Variants in PARPBP observed in about 807,000 individuals in gnomAD.
PARPBP encodes the protein PARP1 binding protein, also known as PCNA-interacting partner.
A neutral mutation model predicts 50.0 loss-of-function variants in PARPBP; 52 were observed. The ratio of observed to expected loss-of-function variants is 1.04; its 90% CI spans 0.83 to 1.31. The LOEUF is 1.31. PARPBP is among the 50% of genes most tolerant of loss of function. The pLI is 0.00. For missense variants in PARPBP, 697 were observed against 672.0 expected (o/e 1.04, Z -0.41); for synonymous variants, 244 against 232.1 (o/e 1.05, Z -0.47).
At chr12:102,165,589 T>C in intron 5 of PARPBP, 140 bp from the exon 6 acceptor site, 1 of 639,424 alleles carries the variant, frequency 1.6e-6, no homozygotes, top group East Asian at 3.0e-5. Flanking sequence ...TACTTCTGAC[T>C]CAAAGTGTGT....
At chr12:102,174,942 A>C (rs989303693) in intron 6 of PARPBP, among the ~76,000 whole-genome samples, 2 of 152,176 alleles carry the variant, frequency 1.3e-5, no homozygotes, top group Non-Finnish European at 2.9e-5. Context: ...ATTAGAATGC[A>C]ATATCATGTT....
At chr12:102,152,292 T>G (rs1204341017) in intron 3 of PARPBP, among the ~76,000 whole-genome samples, 1 of 152,204 alleles carries the variant, frequency 6.6e-6, no homozygotes, top group Non-Finnish European at 1.5e-5. Context: ...AAGAGACAGG[T>G]GTAAAGATTT....
At chr12:102,158,856 T>G (rs1043671042) in intron 4 of PARPBP, among the ~76,000 whole-genome samples, 1 of 152,224 alleles carries the variant, frequency 6.6e-6, no homozygotes, top group Non-Finnish European at 1.5e-5. Context: ...TTTTAGAACT[T>G]CGGCTTATAA....
In PARPBP at chr12:102,148,439, TG is replaced by T; in HGVS notation, c.364del (p.Glu122LysfsTer22). The T allele has an allele frequency of 6.9e-7, 1 of 1,445,034 alleles. No individual in the cohort carries two copies. The allele number at this position is 1,445,034 out of a possible 1,614,324, so 89.5% of individuals were successfully genotyped here. ...QKCRALTSNC[E>X]NYNTVSPSQL... is the part of the protein sequence containing the mutation. The stretch of plus-strand genomic sequence containing the variant: ...AATGTAGGGCTTTGACTTCTAATTG[TG>T]AAAATTATAACACAGTATCTCCTGT... On this transcript the variant is annotated frameshift_variant, in exon 3 of 11. Coordinates refer to ENST00000327680, the MANE Select transcript of PARPBP (RefSeq NM_017915.5). LOFTEE classifies it high-confidence loss of function.
intron 7 of PARPBP, among the ~76,000 whole-genome samples, chr12:102,178,138 T>C (rs995126467): frequency 6.6e-6 from 1 of 152,240 alleles, no homozygotes; most frequent in Non-Finnish European, 1.5e-5. Flanking sequence ...TAGTATATGC[T>C]TATCAATGAT....
At position 102,175,623 on chromosome 12, in the gene PARPBP, A is replaced by G; in HGVS notation, c.962A>G (p.Glu321Gly). The G allele has an allele frequency of 6.2e-7, 1 of 1,613,534 alleles. No individual in the cohort carries two copies. The highest frequency in any genetic ancestry group is 8.5e-7 in the Non-Finnish European group (1 of 1,179,530). The change falls in exon 7 of 11, where the codon GAA (glutamate) becomes GGA (glycine). Residue 321 changes from glutamate (E) to glycine (G), a missense_variant. By Grantham distance (98) the Glu-to-Gly change is moderately conservative. Coordinates refer to ENST00000327680, the MANE Select transcript of PARPBP (RefSeq NM_017915.5). ...LRIKNIINSQ[E>G]GVVALSTTDI... ...ATTAAAAATATTATCAATTCTCAAG[A>G]AGGTGTTGTAGCTCTTAGCACCACT...
At chr12:102,143,519 G>A (rs962231512) in intron 2 of PARPBP, among the ~76,000 whole-genome samples, 11 of 152,168 alleles carry the variant, frequency 7.2e-5, no homozygotes, top group African/African-American at 2.7e-4. Flanking sequence ...GATGAACCCG[G>A]TACCTCAGTT....
At chr12:102,161,733 C>A (rs1314585704) in intron 4 of PARPBP, among the ~76,000 whole-genome samples, 1 of 151,500 alleles carries the variant, frequency 6.6e-6, no homozygotes, top group Non-Finnish European at 1.5e-5. Context: ...TTAGGCTGGG[C>A]AACATAGTGA....
intron 9 of PARPBP, among the ~76,000 whole-genome samples, chr12:102,191,144 C>T (rs1459835455): frequency 2.0e-5 from 3 of 152,086 alleles, no homozygotes; most frequent in Non-Finnish European, 4.4e-5. Context: ...CTCTGGAAGG[C>T]ATCATTTTGC....
At chr12:102,180,800 A>G (rs1889755327) in intron 8 of PARPBP, among the ~76,000 whole-genome samples, 1 of 152,222 alleles carries the variant, frequency 6.6e-6, no homozygotes, top group Non-Finnish European at 1.5e-5. Flanking sequence ...TCTAATTGTC[A>G]TTGTGCAGAC....
At chr12:102,144,002 TTAAA>T (rs984351351) in intron 2 of PARPBP, among the ~76,000 whole-genome samples, 6 of 152,178 alleles carry the variant, frequency 3.9e-5, no homozygotes, top group African/African-American at 1.2e-4. Flanking sequence ...TGATTTTACT[TTAAA>T]TAGGAGAAGA....
chr12:102,123,778 C>T (rs1365508414), intron 1 of PARPBP, 108 bp from the exon 2 acceptor site: 15 of 566,562 alleles, frequency 2.6e-5, no homozygotes, highest in Non-Finnish European at 4.1e-5. Flanking sequence ...ATGAAATGAC[C>T]TCTCATTCAC....
At chr12:102,145,812 A>T (rs1045281793) in intron 2 of PARPBP, among the ~76,000 whole-genome samples, 2 of 152,348 alleles carry the variant, frequency 1.3e-5, no homozygotes, top group East Asian at 3.9e-4. Flanking sequence ...CTTGTTTGTT[A>T]CAGTTTCATG....
chr12:102,190,296 C>A (rs1215975704), intron 9 of PARPBP, among the ~76,000 whole-genome samples: 1 of 151,956 alleles, frequency 6.6e-6, no homozygotes, highest in Non-Finnish European at 1.5e-5. Flanking sequence ...TTAATTAATT[C>A]ATTCAAAAAA....
chr12:102,165,872 A>G lies in PARPBP; in HGVS notation c.810A>G (p.Ile270Met). 1 of 1,548,514 alleles carries G rather than the reference A, an allele frequency of 6.5e-7. No homozygotes were observed. Among genetic ancestry groups the G allele is most frequent in the Admixed American group, 1.7e-5 (1 of 57,470 alleles). ...IDKLDEILGE[I>M]PNPSIAGGQI... ...AATTAGATGAGATTCTTGGAGAAAT[A>G]CCAAACCCAAGGTAATGACTTTTCA... Residue 270 changes from isoleucine (I) to methionine (M), a missense_variant, in exon 6 of 11, where the codon ATA (isoleucine) becomes ATG (methionine). By Grantham distance (10) the Ile-to-Met change is conservative. Coordinates refer to ENST00000327680, the MANE Select transcript of PARPBP (RefSeq NM_017915.5).
At chr12:102,192,939 G>C (rs971884942) in intron 9 of PARPBP, among the ~76,000 whole-genome samples, 2 of 151,656 alleles carry the variant, frequency 1.3e-5, no homozygotes, top group African/African-American at 4.8e-5. Context: ...ATATACAAAG[G>C]GGGGGAGTTC....
At chr12:102,143,678 G>C (rs763493454) in intron 2 of PARPBP, among the ~76,000 whole-genome samples, 1 of 152,174 alleles carries the variant, frequency 6.6e-6, no homozygotes, top group South Asian at 2.1e-4. Context: ...TATGGCGAAT[G>C]TATATGACTT....
intron 2 of PARPBP, among the ~76,000 whole-genome samples, chr12:102,145,040 A>G (rs1885166574): frequency 6.6e-6 from 1 of 152,146 alleles, no homozygotes; most frequent in Non-Finnish European, 1.5e-5. Flanking sequence ...GTTTGTATAG[A>G]TGAGTAAAGA....
chr12:102,178,459 C>A (rs886710715), intron 7 of PARPBP, 133 bp from the exon 8 acceptor site: 6 of 479,912 alleles, frequency 1.3e-5, no homozygotes, highest in Non-Finnish European at 1.8e-5. Flanking sequence ...GCCTCACAGC[C>A]ACTTCTTATA....
Sources: gnomAD v4.1 joint callset for allele counts (sites outside exome capture counted in the v4.1 genomes callset) on GRCh38, gnomAD v4.1.1 for gene constraint, MANE v1.5 for transcripts, NCBI Gene and HGNC (gene_info 2026-07-23, HGNC 2026-07-21) for gene names.